ARHGAP26: variants seen among roughly 807,000 people sequenced by gnomAD.
ARHGAP26 encodes the protein rho GTPase-activating protein 26.
In ARHGAP26, 38 loss-of-function variants were observed where a neutral mutation model predicts 104.8. The ratio of observed to expected loss-of-function variants is 0.36; its 90% confidence interval spans 0.28 to 0.48. The LOEUF (loss-of-function observed/expected upper bound fraction) is 0.48. Among genes scored for constraint, ARHGAP26 ranks in the 20% least tolerant of loss-of-function variants. The probability of loss-of-function intolerance (pLI) is 0.99; values close to 1 mark genes in which losing one functional copy is unlikely to be tolerated. For missense variants in ARHGAP26, 704 were observed against 947.9 expected (o/e 0.74, Z 3.38); for synonymous variants, 341 against 340.0 (o/e 1.00, Z -0.03).
intron 14 of ARHGAP26, among the ~76,000 whole-genome samples, chr5:143,049,287 C>T (rs1364243200): frequency 6.6e-6 from 1 of 152,174 alleles, no homozygotes; most frequent in Non-Finnish European, 1.5e-5. Flanking sequence ...AACTTGTCCT[C>T]CATCTCAGTA....
intron 10 of ARHGAP26, among the ~76,000 whole-genome samples, chr5:142,914,075 C>A (rs1762179744): frequency 6.6e-6 from 1 of 152,220 alleles, no homozygotes; most frequent in Non-Finnish European, 1.5e-5. Context: ...TAATCTCTTC[C>A]TTTTATTAAA....
At chr5:143,012,567 A>ATG (rs1779012198) in intron 11 of ARHGAP26, among the ~76,000 whole-genome samples, 8 of 84,826 alleles carry the variant, frequency 9.4e-5, no homozygotes, top group Non-Finnish European at 2.3e-4. Flanking sequence ...ATATATATAT[A>ATG]TATATATATT....
At chr5:143,007,113 T>C (rs1339822890) in intron 11 of ARHGAP26, among the ~76,000 whole-genome samples, 1 of 149,574 alleles carries the variant, frequency 6.7e-6, no homozygotes, top group Non-Finnish European at 1.5e-5. Context: ...GTGAATCGCT[T>C]GAACCCAGGA....
intron 17 of ARHGAP26, 114 bp from the exon 18 acceptor site, chr5:143,120,874 T>C: frequency 9.6e-7 from 1 of 1,039,484 alleles, no homozygotes; most frequent in Non-Finnish European, 1.3e-6. Flanking sequence ...ACCCAAGTTC[T>C]GGCTCCTACA....
intron 1 of ARHGAP26, among the ~76,000 whole-genome samples, chr5:142,802,555 G>A (rs765429512): frequency 6.6e-6 from 1 of 152,216 alleles, no homozygotes; most frequent in African/African-American, 2.4e-5. Context: ...TTTACTTAAA[G>A]TTGCAGTTTC....
At chr5:142,936,034 A>G (rs1242817579) in intron 11 of ARHGAP26, among the ~76,000 whole-genome samples, 1 of 151,898 alleles carries the variant, frequency 6.6e-6, no homozygotes. Flanking sequence ...TAACAGGCAT[A>G]CAGAGTGGAA....
At chr5:143,014,842 A>G (rs1433805396) in intron 12 of ARHGAP26, among the ~76,000 whole-genome samples, 1 of 152,200 alleles carries the variant, frequency 6.6e-6, no homozygotes, top group African/African-American at 2.4e-5. Flanking sequence ...GGTTGCTGCA[A>G]GAGTACAAAG....
chr5:143,175,145 G>A (rs1562554146), intron 20 of ARHGAP26, among the ~76,000 whole-genome samples: 1 of 152,194 alleles, frequency 6.6e-6, no homozygotes, highest in Non-Finnish European at 1.5e-5. Context: ...ACTGACCTAA[G>A]GGCTAACTCT....
At chr5:142,983,815 A>T (rs1363097007) in intron 11 of ARHGAP26, among the ~76,000 whole-genome samples, 6 of 152,228 alleles carry the variant, frequency 3.9e-5, no homozygotes, top group African/African-American at 1.2e-4. Flanking sequence ...CTAGACACAC[A>T]TCTATTCATA....
In ARHGAP26 at chr5:142,890,136, T is replaced by TAAAAAA. The variant is rs1162535877; in HGVS notation, c.487-4091_487-4086dup. On this transcript the variant is annotated intron_variant, in intron 5 of 22. Coordinates refer to ENST00000645722, the MANE Select transcript of ARHGAP26 (RefSeq NM_001135608.3). ...GGGTAACAAGAGCGAAACTCCGTCT[T>TAAAAAA]AAAAAAAAAAAAAAAATATATATAT... is the stretch of plus-strand genomic sequence containing the variant. 2.4e-3 allele frequency among the ~76,000 whole-genome samples: 70 copies of TAAAAAA among 29,156 alleles called. 4 individuals carry two copies. The highest frequency in any genetic ancestry group is 8.1e-3 in the African/African-American group (45 of 5,586). 19.1% of individuals were successfully genotyped at this position (29,156 alleles called of 152,430 possible).
intron 1 of ARHGAP26, among the ~76,000 whole-genome samples, chr5:142,798,037 A>C (rs940819333): frequency 1.3e-5 from 2 of 152,116 alleles, no homozygotes; most frequent in African/African-American, 4.8e-5. Flanking sequence ...AGTGGTCCCC[A>C]TTTAGGGGCT....
chr5:142,914,219 G>A (rs1040469876), intron 10 of ARHGAP26, among the ~76,000 whole-genome samples: 1 of 152,238 alleles, frequency 6.6e-6, no homozygotes, highest in Non-Finnish European at 1.5e-5. Flanking sequence ...TCTGGCAGGT[G>A]TCTACTCTGC....
At chr5:143,134,952 A>C (rs1035181720) in intron 19 of ARHGAP26, among the ~76,000 whole-genome samples, 2 of 152,254 alleles carry the variant, frequency 1.3e-5, no homozygotes, top group Non-Finnish European at 2.9e-5. Flanking sequence ...TCACACACAG[A>C]TAACCAAGGA....
intron 17 of ARHGAP26, among the ~76,000 whole-genome samples, chr5:143,060,090 A>G (rs1046044648): frequency 1.2e-4 from 19 of 152,208 alleles, no homozygotes; most frequent in Non-Finnish European, 2.1e-4. Flanking sequence ...TCAAGCAGTA[A>G]GGGAAAGTTA....
At chr5:142,866,159 T>C (rs1273250508) in intron 1 of ARHGAP26, among the ~76,000 whole-genome samples, 1 of 152,214 alleles carries the variant, frequency 6.6e-6, no homozygotes, top group Non-Finnish European at 1.5e-5. Context: ...TTTTGTAGTT[T>C]TGCACACACA....
intron 20 of ARHGAP26, among the ~76,000 whole-genome samples, chr5:143,193,230 A>ATTTTC (rs1276094389): frequency 2.4e-4 from 19 of 79,506 alleles, no homozygotes; most frequent in African/African-American, 8.2e-4. Flanking sequence ...TACAGTGCTT[A>ATTTTC]TTTTCTTTTC....
At chr5:142,904,711 A>G (rs1330822961) in intron 8 of ARHGAP26, among the ~76,000 whole-genome samples, 1 of 152,196 alleles carries the variant, frequency 6.6e-6, no homozygotes, top group African/African-American at 2.4e-5. Context: ...CGTGTATGCA[A>G]TGCTAGGAAC....
intron 22 of ARHGAP26, 36 bp downstream of exon 22, chr5:143,214,124 G>T: frequency 6.0e-6 from 2 of 330,810 alleles, no homozygotes; most frequent in East Asian, 7.0e-5. Context: ...ATATGGGCGG[G>T]GGGCGGGGGC....
At chr5:143,208,374 T>G (rs1418051750) in intron 21 of ARHGAP26, among the ~76,000 whole-genome samples, 5 of 152,182 alleles carry the variant, frequency 3.3e-5, no homozygotes. Flanking sequence ...CTTCTGTCTT[T>G]TTCTCCAAAG....
Sources: gnomAD v4.1 joint callset for allele counts (sites outside exome capture counted in the v4.1 genomes callset) on GRCh38, gnomAD v4.1.1 for gene constraint, MANE v1.5 for transcripts, NCBI Gene and HGNC (gene_info 2026-07-23, HGNC 2026-07-21) for gene names.